The following SFXN4 variants were observed in gnomAD, a reference collection of about 807,000 sequenced individuals.
SFXN4 encodes sideroflexin-4.
SFXN4 carries 48 observed loss-of-function variants against 54.6 expected under a neutral mutation model. The observed-to-expected ratio is 0.88, with a 90% CI of 0.70 to 1.12. SFXN4 has a LOEUF of 1.12. Among genes scored for constraint, SFXN4 ranks in the 50% most tolerant of loss-of-function variants. The pLI is 0.00. For missense variants in SFXN4, 383 were observed against 409.2 expected (o/e 0.94, Z 0.55); for synonymous variants, 130 against 145.5 (o/e 0.89, Z 0.77).
intron 9 of SFXN4, 65 bp downstream of exon 9, chr10:119,157,603 G>T: frequency 7.8e-7 from 1 of 1,285,186 alleles, no homozygotes; most frequent in Non-Finnish European, 1.1e-6. Context: ...TTTGTAATTG[G>T]AATAAATAAA....
At chr10:119,161,020 A>AG (rs777956257) in intron 4 of SFXN4, 35 bp downstream of exon 4, 1 of 1,614,148 alleles carries the variant, frequency 6.2e-7, no homozygotes, top group South Asian at 1.1e-5. Context: ...TTGTTATTAT[A>AG]GGACACTAAA....
At chr10:119,146,938 G>C (rs1354591375) in intron 12 of SFXN4, among the ~76,000 whole-genome samples, 1 of 152,140 alleles carries the variant, frequency 6.6e-6, no homozygotes, top group Non-Finnish European at 1.5e-5. Flanking sequence ...CACACTGGTG[G>C]GGGGGATGTG....
At chr10:119,163,834 G>A (rs1004821871) in intron 2 of SFXN4, among the ~76,000 whole-genome samples, 1 of 151,692 alleles carries the variant, frequency 6.6e-6, no homozygotes, top group Non-Finnish European at 1.5e-5. Flanking sequence ...GAGGTCGGGA[G>A]TTCAAGACCA....
intron 2 of SFXN4, 110 bp from the exon 3 acceptor site, chr10:119,162,524 A>G: frequency 2.4e-6 from 2 of 831,360 alleles, no homozygotes; most frequent in Non-Finnish European, 4.0e-6. Flanking sequence ...CTTCGACTGC[A>G]TGCCTGATTT....
Position 119,157,691 on chromosome 10 carries a change from C to T in SFXN4, c.514G>A (p.Val172Ile), listed in dbSNP as rs543162504. Residue 172 changes from valine (V) to isoleucine (I), a missense_variant, in exon 9 of 14, where the codon GTT (valine) becomes ATT (isoleucine). Coordinates refer to ENST00000355697, the MANE Select transcript of SFXN4 (RefSeq NM_213649.2). ...LERSLLMAGAVASSTFLGVIP... is the reference protein window; with the variant it reads ...LERSLLMAGAIASSTFLGVIP... ...ACTCCTAAGAAAGTTGAAGAAGCAA[C>T]GGCTCCCGCCATTAGTAATGATCTT... 1.2e-4 allele frequency: 187 copies of T among 1,605,402 alleles called. No homozygotes were observed. The South Asian group carries it at 1.7e-3, about 14-fold the overall frequency.
intron 11 of SFXN4, among the ~76,000 whole-genome samples, chr10:119,148,648 T>TA (rs776675076): frequency 3.9e-5 from 6 of 152,184 alleles, no homozygotes; most frequent in Non-Finnish European, 5.9e-5. Context: ...TGCCTGTCCG[T>TA]ACCCACGTTT....
chr10:119,164,951 A>G (rs1847707151), intron 1 of SFXN4, among the ~76,000 whole-genome samples: 1 of 152,228 alleles, frequency 6.6e-6, no homozygotes, highest in African/African-American at 2.4e-5. Flanking sequence ...AATGTTTTTT[A>G]CTGATTACAT....
chr10:119,142,556 TTTTTTTTTA>T (rs1312481286), intron 13 of SFXN4, among the ~76,000 whole-genome samples: 1 of 144,194 alleles, frequency 6.9e-6, no homozygotes, highest in Non-Finnish European at 1.5e-5. Flanking sequence ...CTTTTTTTTT[TTTTTTTTTA>T]AATGAGATGG....
chr10:119,148,925 C>G (rs1846934893), intron 11 of SFXN4, among the ~76,000 whole-genome samples: 1 of 152,076 alleles, frequency 6.6e-6, no homozygotes, highest in Non-Finnish European at 1.5e-5. Context: ...CTCACTCTGT[C>G]ATCCAGGCTG....
chr10:119,147,667 G>C, intron 12 of SFXN4, 108 bp downstream of exon 12: 1 of 853,120 alleles, frequency 1.2e-6, no homozygotes, highest in East Asian at 2.5e-5. Flanking sequence ...TTTATGGGAA[G>C]GTTACTGAGC....
At chr10:119,155,760 T>C (rs1847257131) in intron 10 of SFXN4, among the ~76,000 whole-genome samples, 1 of 152,206 alleles carries the variant, frequency 6.6e-6, no homozygotes, top group African/African-American at 2.4e-5. Flanking sequence ...CCCAAAGTGC[T>C]GGGATTCCAG....
chr10:119,155,140 A>C lies in SFXN4; in HGVS notation c.654T>G (p.Ser218Arg). The C allele has an allele frequency of 6.2e-7, 1 of 1,614,162 alleles. No individual in the cohort carries two copies. The highest frequency in any genetic ancestry group is 8.5e-7 in the Non-Finnish European group (1 of 1,179,970). Reference sequence around the variant, plus strand: ...CCGCAATCCCCTTAATGGATTCAAGACTTCGGGACATGTAGACATTCATTC... The same window carrying C: ...CCGCAATCCCCTTAATGGATTCAAGCCTTCGGGACATGTAGACATTCATTC... ...ASGMNVYMSR[S>R]LESIKGIAVM... The change falls in exon 11 of 14, where the codon AGT becomes AGG. Residue 218 changes from serine to arginine, a missense_variant. Coordinates refer to ENST00000355697, the MANE Select transcript of SFXN4 (RefSeq NM_213649.2).
At position 119,146,237 on chromosome 10, in the gene SFXN4, T is replaced by G. The variant is rs769108667; in HGVS notation, c.935A>C (p.Gln312Pro). 6.4e-7 allele frequency: 1 copy of G among 1,562,026 alleles called. No individual in the cohort carries two copies. ...GAAAAGAGGAATGGGGGCACTTACC[T>G]GTCCAATCTGTGGAAATATACTAAA... ...FSFSIFPQIG[Q>P]IQYCSLEEKI... The change falls in exon 13 of 14, where the codon CAG (glutamine) becomes CCG (proline). Residue 312 changes from glutamine to proline, a missense_variant and splice_region_variant. By Grantham distance (76) the Gln-to-Pro change is moderately conservative. Transcript: ENST00000355697.
chr10:119,158,291 T>C, intron 6 of SFXN4: 1 of 577,436 alleles, frequency 1.7e-6, no homozygotes, highest in East Asian at 2.9e-5. Flanking sequence ...GCAGGCCGTG[T>C]CTCCAGGGCC....
rs35373900 is a variant in SFXN4 at position 119,157,430 on chromosome 10, CAA to C, written c.537+236_537+237del. Among the ~76,000 whole-genome samples, 1,109 of 116,066 alleles carry C rather than the reference CAA, an allele frequency of 9.6e-3. 13 individuals carry two copies. The highest frequency in any genetic ancestry group is 0.031 in the African/African-American group (971 of 31,024). The allele number at this position is 116,066 out of a possible 152,430, so 76.1% of individuals were successfully genotyped here. On this transcript the variant is annotated intron_variant, in intron 9 of 13. Coordinates refer to ENST00000355697, the MANE Select transcript of SFXN4 (RefSeq NM_213649.2). The stretch of plus-strand genomic sequence containing the variant: ...TGGGCAACAGAGCAAGACTGTGTCT[CAA>C]AAAAAAAAAAAAAAGAAAATAGAAA...
intron 2 of SFXN4, 88 bp downstream of exon 2, chr10:119,164,040 CAAA>C (rs368539311): frequency 0.038 from 11,504 of 298,898 alleles, 2 homozygotes; most frequent in South Asian, 0.052. Context: ...AACTCCGTCT[CAAA>C]AAAAAAAAAA....
In SFXN4 at chr10:119,157,684, G is replaced by C; in HGVS notation, c.521C>G (p.Ser174Cys). ...AATACCTACTCCTAAGAAAGTTGAA[G>C]AAGCAACGGCTCCCGCCATTAGTAA... ...RSLLMAGAVA[S>C]STFLGVIPQF... is the part of the protein sequence containing the mutation. Residue 174 changes from serine to cysteine, a missense_variant, in exon 9 of 14, where the codon TCT (serine) becomes TGT (cysteine). Ser to Cys is a moderately radical substitution (Grantham distance 112). Coordinates refer to ENST00000355697, the MANE Select transcript of SFXN4 (RefSeq NM_213649.2). The C allele has an allele frequency of 1.2e-6, 2 of 1,604,078 alleles. No individual in the cohort carries two copies. Among genetic ancestry groups the C allele is most frequent in the Non-Finnish European group, 8.5e-7 (1 of 1,176,588 alleles).
chr10:119,164,050 A>G, intron 2 of SFXN4, 81 bp downstream of exon 2: 1 of 813,456 alleles, frequency 1.2e-6, no homozygotes, highest in Non-Finnish European at 1.9e-6. Context: ...CAAAAAAAAA[A>G]AAAAAAAAAA....
At chr10:119,147,998 CTG>C in intron 11 of SFXN4, 138 bp from the exon 12 acceptor site, 1 of 609,230 alleles carries the variant, frequency 1.6e-6, no homozygotes, top group Non-Finnish European at 2.9e-6. Flanking sequence ...TGGTGAAACC[CTG>C]TCTCTACCAA....
Sources: allele counts gnomAD v4.1 joint callset (sites outside exome capture counted in the v4.1 genomes callset), GRCh38; gene constraint gnomAD v4.1.1; transcripts MANE v1.5; gene names NCBI Gene and HGNC (gene_info 2026-07-23, HGNC 2026-07-21).